ZNF600: variants seen among roughly 807,000 people sequenced by gnomAD.
The protein encoded by ZNF600 is zinc finger protein KR-ZNF1.
In ZNF600, 4 loss-of-function variants were observed where a neutral mutation model predicts 7.3. The observed-to-expected ratio is 0.55, with a 90% CI of 0.27 to 1.25. The LOEUF is 1.25. ZNF600 is among the 50% of genes most tolerant of loss of function. ZNF600 has a pLI of 0.12. For synonymous variants in ZNF600, 290 were observed against 308.9 expected (o/e 0.94, Z 0.64); for missense variants, 911 against 922.1 (o/e 0.99, Z 0.16).
chr19:52,768,877 G>T (rs1314707468), intron 3 of ZNF600, among the ~76,000 whole-genome samples: 1 of 152,248 alleles, frequency 6.6e-6, no homozygotes, highest in Non-Finnish European at 1.5e-5. Flanking sequence ...TTAATCATTA[G>T]TTGGTAGCAA....
At chr19:52,774,794 A>G (rs1009065621) in intron 2 of ZNF600, 93 bp from the exon 5 acceptor site, 2 of 985,044 alleles carry the variant, frequency 2.0e-6, no homozygotes, top group African/African-American at 3.5e-5. Context: ...GTATTTGATC[A>G]AAGACTGTGT....
chr19:52,822,590 C>T, the ZNF600 span, among the ~76,000 whole-genome samples: 321 of 152,236 alleles, frequency 2.1e-3, 1 homozygote, highest in Non-Finnish European at 3.7e-3. Flanking sequence ...CTATGCAACC[C>T]GTTAAGTACA....
chr19:52,805,624 C>T, the ZNF600 span: 2 of 59,278 alleles, frequency 3.4e-5, no homozygotes, highest in Admixed American at 1.5e-4. Flanking sequence ...GAGACTCCAT[C>T]TCAAAAATAA....
the ZNF600 span, chr19:52,801,261 T>A: frequency 1.9e-6 from 3 of 1,614,180 alleles, no homozygotes; most frequent in South Asian, 2.2e-5. Flanking sequence ...ATGGAGGGAA[T>A]TATTTCCATA....
chr19:52,782,392 G>A (rs2062729875), intron 1 of ZNF600, among the ~76,000 whole-genome samples: 1 of 151,696 alleles, frequency 6.6e-6, no homozygotes, highest in African/African-American at 2.4e-5. Context: ...CCATGGTGGT[G>A]CGTGCCTGTA....
chr19:52,820,307 C>T, the ZNF600 span, among the ~76,000 whole-genome samples: 1 of 134,362 alleles, frequency 7.4e-6, no homozygotes, highest in Non-Finnish European at 1.5e-5. Context: ...TTAGTAGAGA[C>T]GGGGTTTCAC....
chr19:52,765,307 A>G, exon 4 of ZNF600: 1 of 662,492 alleles, frequency 1.5e-6, no homozygotes, highest in South Asian at 1.4e-5. Context: ...TGTGAACATG[A>G]AGTAAAGGCT....
the ZNF600 span, among the ~76,000 whole-genome samples, chr19:52,810,896 C>T: frequency 1.1e-4 from 2 of 17,616 alleles, no homozygotes; most frequent in African/African-American, 4.9e-4. Context: ...CCTCCCCCTC[C>T]CCCTCCCTCT....
chr19:52,773,637 TGGATG>T (rs2062648651), intron 3 of ZNF600, among the ~76,000 whole-genome samples: 1 of 151,940 alleles, frequency 6.6e-6, no homozygotes, highest in African/African-American at 2.4e-5. Flanking sequence ...ATTAGGAGGA[TGGATG>T]GGTGGATCAC....
At chr19:52,786,143 T>G (rs2062761500) in intron 1 of ZNF600, among the ~76,000 whole-genome samples, 1 of 152,092 alleles carries the variant, frequency 6.6e-6, no homozygotes, top group Non-Finnish European at 1.5e-5. Context: ...AGAAGCGCAT[T>G]TTCCAGGGGG....
chr19:52,816,704 C>T, the ZNF600 span, among the ~76,000 whole-genome samples: 1 of 120,736 alleles, frequency 8.3e-6, no homozygotes, highest in Non-Finnish European at 1.6e-5. Context: ...TGGTGGCGCG[C>T]ACCTATAATC....
At chr19:52,765,726 C>G in exon 4 of ZNF600, 3 of 1,613,570 alleles carry the variant, frequency 1.9e-6, no homozygotes, top group South Asian at 2.2e-5. Context: ...GTGTGAATCA[C>G]TCCCAAAAGT....
rs138750856 is a variant in ZNF600 at position 52,765,485 on chromosome 19, T to C, written c.*102A>G. On this transcript the variant is annotated 3_prime_UTR_variant, in exon 4 of 4. Transcript: ENST00000648973. ...CAATGTATGAATGATGTCTGAAAAA[T>C]TTGCCACATTTATTACACTTGTTAG... The C allele has an allele frequency of 1.9e-3, 3,003 of 1,553,430 alleles. 5 individuals are homozygous for C. The highest frequency in any genetic ancestry group is 2.5e-3 in the Non-Finnish European group (2,875 of 1,129,034).
chr19:52,775,246 C>A (rs1381182666), intron 2 of ZNF600, among the ~76,000 whole-genome samples: 1 of 149,792 alleles, frequency 6.7e-6, no homozygotes, highest in Admixed American at 6.7e-5. Context: ...TCTCAAAAAA[C>A]AAAACAAAAC....
At chr19:52,765,969 T>C in exon 4 of ZNF600, 1 of 1,614,190 alleles carries the variant, frequency 6.2e-7, no homozygotes, top group Non-Finnish European at 8.5e-7. Context: ...TCTTGCCAGG[T>C]ATGAATTACG....
upstream of ZNF600, among the ~76,000 whole-genome samples, chr19:52,791,507 G>C (rs1342520474): frequency 6.6e-6 from 1 of 152,168 alleles, no homozygotes; most frequent in African/African-American, 2.4e-5. Flanking sequence ...CTGAGGAAGA[G>C]CCATGCCTGG....
chr19:52,786,410 G>A (rs1176797940), intron 1 of ZNF600, among the ~76,000 whole-genome samples, 185 bp downstream of exon 1: 1 of 152,176 alleles, frequency 6.6e-6, no homozygotes, highest in African/African-American at 2.4e-5. Context: ...AGGCGCCCAG[G>A]GCTGGAATCC....
At chr19:52,819,260 G>A in the ZNF600 span, among the ~76,000 whole-genome samples, 26 of 139,570 alleles carry the variant, frequency 1.9e-4, 1 homozygote, top group Non-Finnish European at 2.1e-4. Context: ...TGGGGAACAC[G>A]GGAAGCAGGT....
chr19:52,801,843 T>C, the ZNF600 span: 1 of 771,060 alleles, frequency 1.3e-6, no homozygotes, highest in Non-Finnish European at 2.0e-6. Context: ...ACAAAAGGAG[T>C]AAGATTCTTT....
Sources: allele counts gnomAD v4.1 joint callset (sites outside exome capture counted in the v4.1 genomes callset), GRCh38; gene constraint gnomAD v4.1.1; transcripts MANE v1.5; gene names NCBI Gene and HGNC (gene_info 2026-07-23, HGNC 2026-07-21).